The following ZNF888 variants were observed in gnomAD, a reference collection of about 807,000 sequenced individuals.
ZNF888 encodes the protein zinc finger protein 888.
A neutral mutation model predicts 7.2 loss-of-function variants in ZNF888; 5 were observed. The observed-to-expected ratio is 0.70, with a 90% CI of 0.36 to 1.46. The LOEUF is 1.46. Ranked by LOEUF, ZNF888 falls within the 40% of genes most tolerant of loss-of-function variation. The probability of loss-of-function intolerance (pLI) is 0.03; values close to 1 mark genes in which losing one functional copy is unlikely to be tolerated. For missense variants in ZNF888, 716 were observed against 858.0 expected, an observed-to-expected ratio of 0.83 and a Z score of 2.07; for synonymous variants, 240 against 284.3, an observed-to-expected ratio of 0.84 and a Z score of 1.57.
At chr19:52,921,224 T>C (rs995160548) in intron 1 of ZNF888, among the ~76,000 whole-genome samples, 4 of 152,176 alleles carry the variant, frequency 2.6e-5, no homozygotes, top group Middle Eastern at 3.4e-3. Context: ...GAGGGATTCA[T>C]GAGATGGGGG....
chr19:52,905,473 T>C lies in ZNF888; in HGVS notation c.*692A>G, dbSNP rs1366575321. ...AAAAAAAAAAATCTGTATCTGTTTT[T>C]GTTAAAGAAACAAAAAACAGGCTGG... On this transcript the variant is annotated 3_prime_UTR_variant, in exon 5 of 5. Coordinates refer to ENST00000638862, the MANE Select transcript of ZNF888 (RefSeq NM_001393938.1). 5.9e-6 allele frequency: 1 copy of C among 168,306 alleles called. No individual in the cohort carries two copies. The highest frequency in any genetic ancestry group is 2.4e-5 in the African/African-American group (1 of 41,460). 10.4% of individuals were successfully genotyped at this position (168,306 alleles called of 1,614,324 possible). A position where few individuals can be genotyped will look rare whatever the true frequency, so the allele number is the denominator to read the frequency against.
chr19:52,916,833 ACCCG>A (rs1221867678), intron 3 of ZNF888, among the ~76,000 whole-genome samples: 2 of 151,466 alleles, frequency 1.3e-5, no homozygotes, highest in Non-Finnish European at 2.9e-5. Flanking sequence ...AATCACTTGA[ACCCG>A]GGAGGCAAAG....
intron 4 of ZNF888, among the ~76,000 whole-genome samples, chr19:52,914,991 T>G (rs2064727519): frequency 6.6e-6 from 1 of 152,192 alleles, no homozygotes; most frequent in African/African-American, 2.4e-5. Flanking sequence ...ACTTTAGTCC[T>G]GGAACCCACA....
At chr19:52,921,722 AT>A (rs2064824157) in intron 1 of ZNF888, 2 of 850,342 alleles carry the variant, frequency 2.4e-6, no homozygotes, top group Non-Finnish European at 2.8e-6. Flanking sequence ...GAGTTCAGCA[AT>A]TGTAGACCAG....
intron 4 of ZNF888, among the ~76,000 whole-genome samples, chr19:52,911,561 A>T (rs917069543): frequency 1.3e-5 from 2 of 150,950 alleles, no homozygotes; most frequent in African/African-American, 4.9e-5. Flanking sequence ...GATGGTCTCG[A>T]TCTCCTGACC....
In ZNF888 at chr19:52,907,554, G is replaced by A; in HGVS notation, c.768C>T (p.Tyr256=). ...TGTGACATCTACGATGGTGTGCAAGGTATCGCTTCTGATTAAAGTCTTTGC... is the reference window on the plus strand; with the variant it reads ...TGTGACATCTACGATGGTGTGCAAGATATCGCTTCTGATTAAAGTCTTTGC... ...VCGKDFNQKR[Y]LAHHRRCHTG... is the part of the protein sequence containing the mutation. The change falls in exon 5 of 5, where the codon TAC becomes TAT. Residue 256 remains tyrosine (Y), a synonymous_variant. Coordinates refer to ENST00000638862, the MANE Select transcript of ZNF888 (RefSeq NM_001393938.1). 6 of 1,609,696 alleles carry A rather than the reference G, an allele frequency of 3.7e-6. No homozygotes were observed. Among genetic ancestry groups the A allele is most frequent in the African/African-American group, 1.3e-5 (1 of 74,832 alleles).
In ZNF888 at chr19:52,905,591, A is replaced by G; in HGVS notation, c.*574T>C. ...TGGCCTCCCACAGTGCTAGCATTAC[A>G]GGTGTGAGCCACCGCACTCAGCCTA... On this transcript the variant is annotated 3_prime_UTR_variant, in exon 5 of 5. Coordinates refer to ENST00000638862, the MANE Select transcript of ZNF888 (RefSeq NM_001393938.1). The G allele has an allele frequency of 2.9e-6, 1 of 348,188 alleles. No homozygotes were observed. 21.6% of individuals were successfully genotyped at this position (348,188 alleles called of 1,614,324 possible).
chr19:52,915,727 G>C (rs573319235), intron 3 of ZNF888, among the ~76,000 whole-genome samples: 1 of 151,948 alleles, frequency 6.6e-6, no homozygotes, highest in African/African-American at 2.4e-5. Flanking sequence ...TGCCCACCTC[G>C]GCCTCCCAAA....
Position 52,907,665 on chromosome 19 carries a change from A to AAG in ZNF888, c.656_657insCT (p.Gly220LeufsTer16). The AAG allele has an allele frequency of 5.0e-6, 8 of 1,605,916 alleles. No homozygotes were observed. The highest frequency in any genetic ancestry group is 6.8e-6 in the Non-Finnish European group (8 of 1,176,772). The stretch of plus-strand genomic sequence containing the variant: ...GTGAGCTACAATTAAAGGATTTGCC[A>AAG]CTCTCATTAAATTGGAAAGATTTTT... On this transcript the variant is annotated frameshift_variant, in exon 5 of 5. Coordinates refer to ENST00000638862, the MANE Select transcript of ZNF888 (RefSeq NM_001393938.1). LOFTEE classifies it low-confidence loss of function (END_TRUNC).
chr19:52,910,402 C>T (rs1454171383), intron 4 of ZNF888, among the ~76,000 whole-genome samples: 1 of 152,056 alleles, frequency 6.6e-6, no homozygotes, highest in African/African-American at 2.4e-5. Flanking sequence ...ACCTGGGAGG[C>T]GGAGGATGCA....
intron 3 of ZNF888, among the ~76,000 whole-genome samples, chr19:52,916,808 G>A (rs765452829): frequency 2.8e-4 from 42 of 151,776 alleles, no homozygotes; most frequent in Non-Finnish European, 4.1e-4. Flanking sequence ...CAACTGCCTG[G>A]CCTGGAGGAT....
At chr19:52,912,377 T>G (rs2147929238) in intron 4 of ZNF888, among the ~76,000 whole-genome samples, 1 of 151,134 alleles carries the variant, frequency 6.6e-6, no homozygotes, top group Non-Finnish European at 1.5e-5. Flanking sequence ...CCTCCCAAAG[T>G]GCTGGGATTA....
At chr19:52,919,922 GCAGCCACC>G (rs2064802605) in intron 1 of ZNF888, among the ~76,000 whole-genome samples, 1 of 57,610 alleles carries the variant, frequency 1.7e-5, no homozygotes, top group African/African-American at 6.3e-5. Flanking sequence ...CCTCCGTCCG[GCAGCCACC>G]CCGTCTGGGA....
At chr19:52,914,562 T>G (rs1237345779) in intron 4 of ZNF888, among the ~76,000 whole-genome samples, 1 of 152,220 alleles carries the variant, frequency 6.6e-6, no homozygotes, top group African/African-American at 2.4e-5. Flanking sequence ...TGGGGAGCAC[T>G]GTAATATGTA....
In ZNF888 at chr19:52,907,225, T is replaced by C; in HGVS notation, c.1097A>G (p.Lys366Arg). ...CKECDKVFSRKSYLERHRRIH... is the reference protein window; with the variant it reads ...CKECDKVFSRRSYLERHRRIH... ...TCTCCTATGTCTTTCAAGGTATGAT[T>C]TGCGACTGAAAACTTTGTCACATTC... Residue 366 changes from lysine to arginine, a missense_variant, in exon 5 of 5, where the codon AAA becomes AGA. This residue lies in a region of ZNF888 where 697 missense variants were observed against 803.4 expected (regional missense o/e 0.87). Coordinates refer to ENST00000638862, the MANE Select transcript of ZNF888 (RefSeq NM_001393938.1). The C allele has an allele frequency of 6.2e-7, 1 of 1,613,322 alleles. No individual in the cohort carries two copies. Among genetic ancestry groups the C allele is most frequent in the South Asian group, 1.1e-5 (1 of 91,042 alleles).
chr19:52,906,161 T>C lies in ZNF888; in HGVS notation c.*4A>G, dbSNP rs1177493240. 6.8e-6 allele frequency: 11 copies of C among 1,612,740 alleles called. No homozygotes were observed. The highest frequency in any genetic ancestry group is 3.3e-5 in the Admixed American group (2 of 59,952). ...TTACTGAAGACTTGGTGACAATCAT[T>C]ACATTAGTCAAGTTTCCCTACACCA... On this transcript the variant is annotated 3_prime_UTR_variant, in exon 5 of 5. Coordinates refer to ENST00000638862, the MANE Select transcript of ZNF888 (RefSeq NM_001393938.1).
Sources: gnomAD v4.1 joint callset for allele counts (sites outside exome capture counted in the v4.1 genomes callset) on GRCh38, gnomAD v4.1.1 for gene constraint, gnomAD v4.1.1 regional missense constraint, MANE v1.5 for transcripts, NCBI Gene and HGNC (gene_info 2026-07-23, HGNC 2026-07-21) for gene names.